Variants in CCDC38 observed in about 807,000 individuals in gnomAD.
The protein encoded by CCDC38 is coiled-coil domain containing 38, also known as coiled-coil domain-containing protein 38.
Under a neutral mutation model 72.8 loss-of-function variants are expected in CCDC38, and 69 were observed. That is an observed-to-expected ratio of 0.95 (90% confidence interval 0.78 to 1.16). CCDC38 has a LOEUF of 1.16. CCDC38 is among the 50% of genes most tolerant of loss of function. CCDC38 has a pLI of 0.00. For missense variants in CCDC38, 626 were observed against 638.9 expected (o/e 0.98, Z 0.22); for synonymous variants, 201 against 213.2 (o/e 0.94, Z 0.50).
chr12:95,924,658 T>C (rs1432206557), intron 2 of CCDC38, among the ~76,000 whole-genome samples: 2 of 151,168 alleles, frequency 1.3e-5, no homozygotes, highest in South Asian at 2.1e-4. Context: ...TCTTCTAGGG[T>C]TTTTATGGTT....
intron 1 of CCDC38, among the ~76,000 whole-genome samples, chr12:95,941,319 C>G (rs1008095389): frequency 2.6e-5 from 4 of 152,194 alleles, no homozygotes; most frequent in Admixed American, 2.6e-4. Context: ...AGACAAATAG[C>G]AGGATTAAAA....
intron 13 of CCDC38, among the ~76,000 whole-genome samples, chr12:95,875,101 G>A (rs1420527529): frequency 6.6e-6 from 1 of 152,192 alleles, no homozygotes; most frequent in African/African-American, 2.4e-5. Flanking sequence ...CACAAACACA[G>A]TATTGAGGGA....
intron 1 of CCDC38, among the ~76,000 whole-genome samples, chr12:95,937,368 C>T (rs901154953): frequency 2.6e-5 from 4 of 151,984 alleles, no homozygotes; most frequent in Non-Finnish European, 5.9e-5. Context: ...TAAAATATTG[C>T]TTATTTTGAT....
chr12:95,894,133 A>G (rs2079860492), intron 8 of CCDC38, among the ~76,000 whole-genome samples: 1 of 152,000 alleles, frequency 6.6e-6, no homozygotes, highest in Admixed American at 6.6e-5. Flanking sequence ...GCAGGAGAAT[A>G]TCTTAAACCT....
At chr12:95,923,069 C>T (rs1372303676) in intron 2 of CCDC38, among the ~76,000 whole-genome samples, 4 of 152,004 alleles carry the variant, frequency 2.6e-5, no homozygotes, top group Non-Finnish European at 5.9e-5. Flanking sequence ...TAGGAAGTAA[C>T]CCCTTCTTTT....
chr12:95,927,794 A>C (rs1373684682), intron 2 of CCDC38, among the ~76,000 whole-genome samples: 1 of 150,036 alleles, frequency 6.7e-6, no homozygotes, highest in Non-Finnish European at 1.5e-5. Flanking sequence ...TCCTTCACTT[A>C]CGAAGCTTAG....
intron 8 of CCDC38, among the ~76,000 whole-genome samples, chr12:95,892,989 T>C (rs750325458): frequency 2.6e-5 from 4 of 152,316 alleles, no homozygotes; most frequent in Non-Finnish European, 5.9e-5. Flanking sequence ...TTTAAAGCAT[T>C]TGTAATCCTC....
At chr12:95,925,895 T>C (rs1221677814) in intron 2 of CCDC38, among the ~76,000 whole-genome samples, 1 of 139,624 alleles carries the variant, frequency 7.2e-6, no homozygotes. Context: ...TGAAGCCCAC[T>C]TGATCACGGT....
At position 95,879,855 on chromosome 12, in the gene CCDC38, G is replaced by T; in HGVS notation, c.991-60C>A. On this transcript the variant is annotated intron_variant, in intron 11 of 15. Coordinates refer to ENST00000344280, the MANE Select transcript of CCDC38 (RefSeq NM_182496.3). This position sits in a 1 kb window ranked among gnomAD's most constrained non-coding sequence, Gnocchi z 5.5. ...AAAAATATGCTACCTATGCACATGT[G>T]ACTTATCTAGAAAATACAGTGGGGT... 1 of 1,292,024 alleles carries T rather than the reference G, an allele frequency of 7.7e-7. No individual in the cohort carries two copies. 80.0% of individuals were successfully genotyped at this position (1,292,024 alleles called of 1,614,324 possible).
intron 13 of CCDC38, among the ~76,000 whole-genome samples, chr12:95,875,500 A>G (rs1713554655): frequency 6.6e-6 from 1 of 152,240 alleles, no homozygotes; most frequent in Non-Finnish European, 1.5e-5. Flanking sequence ...AACATAATTT[A>G]TGAATATCAC....
chr12:95,914,930 T>C (rs1238366034), intron 4 of CCDC38, among the ~76,000 whole-genome samples: 1 of 152,186 alleles, frequency 6.6e-6, no homozygotes, highest in Non-Finnish European at 1.5e-5. Flanking sequence ...TCATATTTAT[T>C]TGATTAGATT....
chr12:95,894,849 T>G, intron 8 of CCDC38, 140 bp downstream of exon 8: 2 of 673,596 alleles, frequency 3.0e-6, no homozygotes, highest in South Asian at 2.4e-5. Flanking sequence ...TCCAAATTAA[T>G]GATATACAAT....
chr12:95,920,637 T>C (rs1219306288), intron 2 of CCDC38, among the ~76,000 whole-genome samples: 1 of 152,042 alleles, frequency 6.6e-6, no homozygotes. Flanking sequence ...TTATATAAAA[T>C]ATCCAGAATA....
At position 95,879,906 on chromosome 12, in the gene CCDC38, G is replaced by A; in HGVS notation, c.991-111C>T. On this transcript the variant is annotated intron_variant, in intron 11 of 15. Transcript: ENST00000344280. This position sits in a 1 kb window ranked among gnomAD's most constrained non-coding sequence, Gnocchi z 5.5. ...AAAGGAAGACAGTTCTAAGGATGAG[G>A]GAGACACAGGTAGGAACTTGTATGG... The A allele has an allele frequency of 1.3e-6, 1 of 744,292 alleles. No homozygotes were observed. The highest frequency in any genetic ancestry group is 2.6e-5 in the South Asian group (1 of 38,642). 46.1% of individuals were successfully genotyped at this position (744,292 alleles called of 1,614,324 possible).
chr12:95,931,222 C>T (rs1290031572), intron 2 of CCDC38, among the ~76,000 whole-genome samples: 1 of 152,144 alleles, frequency 6.6e-6, no homozygotes, highest in Non-Finnish European at 1.5e-5. Flanking sequence ...AGGCTGCCTG[C>T]ATTCTTTGGT....
In CCDC38 at chr12:95,936,496, A is replaced by C. The variant is rs780225378; in HGVS notation, c.14T>G (p.Leu5Ter). 2.5e-6 allele frequency: 4 copies of C among 1,612,268 alleles called. No homozygotes were observed. In the Admixed American group the frequency reaches 6.7e-5, roughly 27 times the overall value. MSSN[L>*]LPTLNSGGKV... The stretch of plus-strand genomic sequence containing the variant: ...ACCTCCAGAATTCAGTGTTGGCAAT[A>C]AATTTGAGGACATTTTCTTGCCTGG... The change falls in exon 2 of 16, where the codon TTA becomes TGA. Residue 5 changes from leucine to a stop codon, truncating the protein, a stop_gained. Transcript: ENST00000344280. LOFTEE classifies it high-confidence loss of function.
At chr12:95,882,033 T>A (rs1010774393) in intron 10 of CCDC38, among the ~76,000 whole-genome samples, 1 of 152,228 alleles carries the variant, frequency 6.6e-6, no homozygotes, top group Non-Finnish European at 1.5e-5. Flanking sequence ...TCAAAATATC[T>A]TCCAATCAGG....
chr12:95,930,379 G>A (rs755344314), intron 2 of CCDC38, among the ~76,000 whole-genome samples: 130 of 152,138 alleles, frequency 8.5e-4, no homozygotes, highest in African/African-American at 2.3e-3. Flanking sequence ...AGGCTCTGAG[G>A]GGGAATCTAT....
intron 4 of CCDC38, among the ~76,000 whole-genome samples, chr12:95,912,966 T>G (rs2080110036): frequency 6.6e-6 from 1 of 151,994 alleles, no homozygotes; most frequent in South Asian, 2.1e-4. Context: ...GAGGGGAGGC[T>G]GAGGTGGGAG....
Sources: gnomAD v4.1 joint callset for allele counts (sites outside exome capture counted in the v4.1 genomes callset) on GRCh38, gnomAD v4.1.1 for gene constraint, Gnocchi (gnomAD v3.1) non-coding constraint, MANE v1.5 for transcripts, NCBI Gene and HGNC (gene_info 2026-07-23, HGNC 2026-07-21) for gene names.